Variants in RBFOX1 observed in about 807,000 individuals in gnomAD.
RBFOX1 encodes RNA binding fox-1 homolog 1, also known as RNA binding protein fox-1 homolog 1.
In RBFOX1, 8 loss-of-function variants were observed where a neutral mutation model predicts 57.7. That is an observed-to-expected ratio of 0.14 (90% CI 0.08 to 0.25). RBFOX1 has a LOEUF of 0.25. Among genes scored for constraint, RBFOX1 ranks in the 10% least tolerant of loss-of-function variants. The probability of loss-of-function intolerance (pLI) is 1.00; values close to 1 mark genes in which losing one functional copy is unlikely to be tolerated. For missense variants in RBFOX1, 611 were observed against 548.5 expected (o/e 1.11, Z -1.14); for synonymous variants, 326 against 222.4 (o/e 1.47, Z -4.15).
At chr16:6,712,184 A>T (rs1021870892) in intron 3 of RBFOX1, among the ~76,000 whole-genome samples, 23 of 152,294 alleles carry the variant, frequency 1.5e-4, no homozygotes, top group Middle Eastern at 3.4e-3. Context: ...CATCATCATT[A>T]TTTACTATCA....
intron 1 of RBFOX1, among the ~76,000 whole-genome samples, chr16:6,143,551 A>G (rs2096734757): frequency 6.6e-6 from 1 of 152,138 alleles, no homozygotes; most frequent in Non-Finnish European, 1.5e-5. Flanking sequence ...CTCTTTATTT[A>G]TAGCTAAAGG....
chr16:7,656,748 G>T (rs2145076226), intron 12 of RBFOX1, among the ~76,000 whole-genome samples: 1 of 152,228 alleles, frequency 6.6e-6, no homozygotes, highest in East Asian at 1.9e-4. Context: ...TATTTCTTCT[G>T]GTTGGGGCAG....
At chr16:7,067,812 T>G (rs1301385550) in intron 4 of RBFOX1, among the ~76,000 whole-genome samples, 1 of 151,730 alleles carries the variant, frequency 6.6e-6, no homozygotes, top group African/African-American at 2.4e-5. Flanking sequence ...TGCGATAGTT[T>G]ACTGAGAATG....
chr16:7,358,794 A>G (rs1239600531), intron 4 of RBFOX1, among the ~76,000 whole-genome samples: 2 of 152,192 alleles, frequency 1.3e-5, no homozygotes, highest in Admixed American at 6.5e-5. Context: ...GACAAAGCCC[A>G]GAAAGTAGCA....
intron 5 of RBFOX1, among the ~76,000 whole-genome samples, chr16:7,566,541 A>C (rs1051480290): frequency 6.6e-6 from 1 of 152,128 alleles, no homozygotes; most frequent in African/African-American, 2.4e-5. Context: ...CTTCGGACAG[A>C]TCGCCTAACC....
rs1270903936 is a variant in RBFOX1 at position 7,300,384 on chromosome 16, C to G, written c.28-217763C>G. Among the ~76,000 whole-genome samples the G allele has an allele frequency of 2.0e-5, 3 of 152,172 alleles. No individual in the cohort carries two copies. The South Asian group carries it at 6.2e-4, about 31-fold the overall frequency. On this transcript the variant is annotated intron_variant, in intron 4 of 15. Coordinates refer to ENST00000550418, the MANE Select transcript of RBFOX1 (RefSeq NM_018723.4). ...CCAGTGACTCAAAGTGCTTTTGATA[C>G]AGATAAATAATAAAGTTTTCTAAAG...
At chr16:5,474,178 C>T (rs897143409) in intron 2 of RBFOX1, among the ~76,000 whole-genome samples, 1 of 152,090 alleles carries the variant, frequency 6.6e-6, no homozygotes, top group African/African-American at 2.4e-5. Context: ...CAAACCCTAC[C>T]CATTATTCAA....
intron 5 of RBFOX1, among the ~76,000 whole-genome samples, chr16:7,558,363 C>T (rs1359884565): frequency 6.6e-6 from 1 of 151,632 alleles, no homozygotes; most frequent in Admixed American, 6.6e-5. Flanking sequence ...CAAAATAAGA[C>T]ATACATATAT....
chr16:6,810,706 G>A (rs1278265215), intron 3 of RBFOX1, among the ~76,000 whole-genome samples: 3 of 152,108 alleles, frequency 2.0e-5, no homozygotes, highest in Non-Finnish European at 2.9e-5. Flanking sequence ...CACGGTGGAA[G>A]GCAAAAGGGA....
chr16:5,582,082 T>C (rs1326951678), intron 2 of RBFOX1, among the ~76,000 whole-genome samples: 1 of 152,184 alleles, frequency 6.6e-6, no homozygotes, highest in Non-Finnish European at 1.5e-5. Context: ...TATTTCACTG[T>C]TAAAAGAGCT....
chr16:7,194,683 T>C (rs1229813588), intron 4 of RBFOX1, among the ~76,000 whole-genome samples: 1 of 152,104 alleles, frequency 6.6e-6, no homozygotes, highest in African/African-American at 2.4e-5. Flanking sequence ...ATCCCAGCAA[T>C]TTTAGAGGTT....
chr16:7,412,550 A>G (rs1296687492), intron 4 of RBFOX1, among the ~76,000 whole-genome samples: 5 of 152,230 alleles, frequency 3.3e-5, no homozygotes, highest in Non-Finnish European at 5.9e-5. Context: ...AAATAAACAT[A>G]AGCCCACACA....
At chr16:6,455,846 T>A (rs1422126427) in intron 2 of RBFOX1, among the ~76,000 whole-genome samples, 2 of 152,170 alleles carry the variant, frequency 1.3e-5, no homozygotes, top group African/African-American at 2.4e-5. Context: ...CAATAAACCA[T>A]GAGATTATTA....
chr16:5,651,237 G>A (rs919344306), intron 3 of RBFOX1, among the ~76,000 whole-genome samples: 1 of 151,566 alleles, frequency 6.6e-6, no homozygotes, highest in Non-Finnish European at 1.5e-5. Context: ...CTTTTTAGTA[G>A]AGACAGGGTT....
Position 5,897,016 on chromosome 16 carries a change from C to CTTTTTTTTTTTTTTTTTTT in RBFOX1, c.351+29693_351+29711dup, listed in dbSNP as rs575235024. ...CCCCCACTAAAAATGTATCCATCCG[C>CTTTTTTTTTTTTTTTTTTT]TTTTTTTTTTTTTTTTTTTTTTTTT... On this transcript the variant is annotated intron_variant, in intron 4 of 19. Transcript: ENST00000641259. 1.1e-3 allele frequency among the ~76,000 whole-genome samples: 64 copies of CTTTTTTTTTTTTTTTTTTT among 56,468 alleles called. 11 individuals carry two copies. The highest frequency in any genetic ancestry group is 2.7e-3 in the East Asian group (4 of 1,506). 37.0% of individuals were successfully genotyped at this position (56,468 alleles called of 152,430 possible).
intron 2 of RBFOX1, among the ~76,000 whole-genome samples, chr16:6,648,672 G>A (rs1016333566): frequency 3.9e-4 from 59 of 152,144 alleles, no homozygotes; most frequent in South Asian, 2.1e-4. Flanking sequence ...GGGCTCTTCC[G>A]TGCAAACCTC....
intron 3 of RBFOX1, among the ~76,000 whole-genome samples, chr16:5,750,822 C>T (rs780471772): frequency 9.2e-5 from 14 of 152,218 alleles, no homozygotes; most frequent in Non-Finnish European, 1.9e-4. Flanking sequence ...CCAGGTTAGT[C>T]GATGCCTCGC....
chr16:5,409,380 A>G (rs966183283), intron 1 of RBFOX1, among the ~76,000 whole-genome samples: 1 of 152,180 alleles, frequency 6.6e-6, no homozygotes, highest in African/African-American at 2.4e-5. Context: ...TCCAGCCTAA[A>G]AGACCCTTTC....
chr16:6,426,531 C>T (rs1050751360), intron 2 of RBFOX1, among the ~76,000 whole-genome samples: 7 of 151,666 alleles, frequency 4.6e-5, no homozygotes, highest in African/African-American at 9.7e-5. Flanking sequence ...CCTGGGAGGC[C>T]GAGGTGGGAG....
Sources: gnomAD v4.1 joint callset for allele counts (sites outside exome capture counted in the v4.1 genomes callset) on GRCh38, gnomAD v4.1.1 for gene constraint, MANE v1.5 for transcripts, NCBI Gene and HGNC (gene_info 2026-07-23, HGNC 2026-07-21) for gene names.